Variants in SDCCAG8 observed in about 807,000 individuals in gnomAD.
SDCCAG8 encodes the protein SHH signaling and ciliogenesis regulator SDCCAG8.
In SDCCAG8, 74 loss-of-function variants were observed where a neutral mutation model predicts 101.8. That is an observed-to-expected ratio of 0.73 (90% confidence interval 0.60 to 0.88). The LOEUF is 0.88. Ranked by LOEUF, SDCCAG8 falls within the 40% of genes least tolerant of loss-of-function variation. SDCCAG8 has a pLI of 0.00. For synonymous variants in SDCCAG8, 281 were observed against 292.9 expected, an observed-to-expected ratio of 0.96 and a Z score of 0.41; for missense variants, 787 against 822.6, an observed-to-expected ratio of 0.96 and a Z score of 0.53.
At chr1:243,497,693 A>G (rs1185311380) in intron 17 of SDCCAG8, among the ~76,000 whole-genome samples, 7 of 152,158 alleles carry the variant, frequency 4.6e-5, no homozygotes, top group Admixed American at 4.6e-4. Context: ...CTTTTACTTC[A>G]GGTCTTTACG....
intron 2 of SDCCAG8, among the ~76,000 whole-genome samples, chr1:243,270,725 C>T (rs1241624465): frequency 6.6e-6 from 1 of 152,120 alleles, no homozygotes; most frequent in Non-Finnish European, 1.5e-5. Flanking sequence ...TCTTGTAGCA[C>T]TGTGCATAGC....
intron 16 of SDCCAG8, among the ~76,000 whole-genome samples, chr1:243,438,854 C>G (rs2082333213): frequency 6.6e-6 from 1 of 152,106 alleles, no homozygotes; most frequent in Non-Finnish European, 1.5e-5. Context: ...ACATTTTCAC[C>G]AGTGATTTTG....
At chr1:243,304,597 A>T in intron 6 of SDCCAG8, 116 bp from the exon 7 acceptor site, 1 of 650,746 alleles carries the variant, frequency 1.5e-6, no homozygotes, top group Non-Finnish European at 2.8e-6. Context: ...CTAAGAAGAC[A>T]TGTTTCCCCC....
intron 12 of SDCCAG8, among the ~76,000 whole-genome samples, chr1:243,355,015 C>T (rs1368228748): frequency 1.3e-5 from 2 of 152,330 alleles, no homozygotes; most frequent in Admixed American, 1.3e-4. Context: ...GATCACCCTA[C>T]ACAGAGATTC....
chr1:243,314,962 G>A (rs973335272), intron 8 of SDCCAG8, among the ~76,000 whole-genome samples: 6 of 152,144 alleles, frequency 3.9e-5, no homozygotes, highest in African/African-American at 1.4e-4. Context: ...CGCCCACCTC[G>A]GCCTCCCAAA....
intron 16 of SDCCAG8, among the ~76,000 whole-genome samples, chr1:243,459,720 C>T (rs1000109533): frequency 4.6e-5 from 7 of 152,156 alleles, no homozygotes; most frequent in African/African-American, 1.7e-4. Context: ...GATCCTCCCA[C>T]GTCAGCCTCT....
chr1:243,340,551 C>A (rs1356591433), intron 10 of SDCCAG8, among the ~76,000 whole-genome samples: 1 of 152,152 alleles, frequency 6.6e-6, no homozygotes, highest in African/African-American at 2.4e-5. Flanking sequence ...GGGCACTGCA[C>A]AGAGCCTCTT....
chr1:243,435,883 A>C (rs1000046171), intron 16 of SDCCAG8, among the ~76,000 whole-genome samples: 1 of 152,038 alleles, frequency 6.6e-6, no homozygotes, highest in Non-Finnish European at 1.5e-5. Context: ...CACTCTAAAA[A>C]ATTTTTTTAT....
At position 243,270,139 on chromosome 1, in the gene SDCCAG8, T is replaced by C; in HGVS notation, c.102T>C (p.Cys34=). Residue 34 remains cysteine (C), a synonymous_variant, in exon 2 of 18, where the codon TGT becomes TGC. Transcript: ENST00000366541. ...GCAGAAGCATTCACCAACTGACATG[T>C]GCCCTGAAAGAAGGCGATGTCACTA... The part of the protein sequence containing the change: ...HASRSIHQLT[C]ALKEGDVTIG... 6.2e-7 allele frequency: 1 copy of C among 1,614,238 alleles called. No homozygotes were observed. Among genetic ancestry groups the C allele is most frequent in the Middle Eastern group, 1.6e-4 (1 of 6,062 alleles).
At chr1:243,285,608 T>A (rs755693005) in intron 4 of SDCCAG8, among the ~76,000 whole-genome samples, 4 of 152,232 alleles carry the variant, frequency 2.6e-5, no homozygotes, top group Non-Finnish European at 4.4e-5. Context: ...ATGATTGATA[T>A]GTTGATATTA....
In SDCCAG8 at chr1:243,419,831, G is replaced by A. The variant is rs751326465; in HGVS notation, c.1853+1755G>A. ...TTTAAATTTCCGTGGAGAAGTAAGC[G>A]TCCTTGGCATGTAACGGTTAACTTA... On this transcript the variant is annotated intron_variant, in intron 15 of 17. Coordinates refer to ENST00000366541, the MANE Select transcript of SDCCAG8 (RefSeq NM_006642.5). Among the ~76,000 whole-genome samples, 57 of 152,150 alleles carry A rather than the reference G, an allele frequency of 3.7e-4. 1 individual carries two copies. Among genetic ancestry groups the A allele is most frequent in the South Asian group, 4.1e-4 (2 of 4,834 alleles).
At chr1:243,485,293 TTTTAA>T (rs975103063) in intron 16 of SDCCAG8, among the ~76,000 whole-genome samples, 9 of 152,202 alleles carry the variant, frequency 5.9e-5, no homozygotes, top group Admixed American at 5.9e-4. Context: ...TATAGTGAAC[TTTTAA>T]TTAAGATAAT....
At chr1:243,430,122 C>T (rs1367388902) in intron 16 of SDCCAG8, among the ~76,000 whole-genome samples, 1 of 152,166 alleles carries the variant, frequency 6.6e-6, no homozygotes, top group Non-Finnish European at 1.5e-5. Flanking sequence ...GTGTGTGAGC[C>T]ACTGTCCCCA....
At chr1:243,329,829 G>T (rs1231725524) in intron 9 of SDCCAG8, among the ~76,000 whole-genome samples, 2 of 152,132 alleles carry the variant, frequency 1.3e-5, no homozygotes, top group Admixed American at 6.5e-5. Flanking sequence ...TGAAGTTAGA[G>T]ATTTTTTATT....
At chr1:243,379,044 G>T (rs930539379) in intron 13 of SDCCAG8, among the ~76,000 whole-genome samples, 181 bp downstream of exon 13, 4 of 152,188 alleles carry the variant, frequency 2.6e-5, no homozygotes, top group African/African-American at 9.6e-5. Flanking sequence ...GATAAGTGTG[G>T]CAGGGAATTA....
intron 16 of SDCCAG8, among the ~76,000 whole-genome samples, chr1:243,476,999 TACACACACAC>T (rs531152514): frequency 2.9e-5 from 3 of 102,204 alleles, no homozygotes; most frequent in Non-Finnish European, 6.4e-5. Context: ...ACTGGTTCTG[TACACACACAC>T]ACACACACAC....
At position 243,371,145 on chromosome 1, in the gene SDCCAG8, A is replaced by G. The variant is rs565631694; in HGVS notation, c.1474-7576A>G. Among the ~76,000 whole-genome samples, 12 of 152,228 alleles carry G rather than the reference A, an allele frequency of 7.9e-5. No individual in the cohort carries two copies. The East Asian group carries it at 2.3e-3, about 29-fold the overall frequency. ...GGTAGCATGATACTTGACCCATGTCATCTGGGTTGTATCTTCTCCTTTGTC... is the reference window on the plus strand; with the variant it reads ...GGTAGCATGATACTTGACCCATGTCGTCTGGGTTGTATCTTCTCCTTTGTC... On this transcript the variant is annotated intron_variant, in intron 12 of 17. Coordinates refer to ENST00000366541, the MANE Select transcript of SDCCAG8 (RefSeq NM_006642.5).
At chr1:243,348,509 C>G (rs1573475577) in intron 12 of SDCCAG8, among the ~76,000 whole-genome samples, 1 of 152,094 alleles carries the variant, frequency 6.6e-6, no homozygotes, top group East Asian at 1.9e-4. Context: ...CCCCAGTGCC[C>G]TGGTCCCACC....
At chr1:243,463,249 G>C (rs1217117009) in intron 16 of SDCCAG8, among the ~76,000 whole-genome samples, 1 of 152,248 alleles carries the variant, frequency 6.6e-6, no homozygotes, top group Non-Finnish European at 1.5e-5. Context: ...GTAGGGCACA[G>C]AAGAAGGAAC....
Sources: allele counts gnomAD v4.1 joint callset (sites outside exome capture counted in the v4.1 genomes callset), GRCh38; gene constraint gnomAD v4.1.1; transcripts MANE v1.5; gene names NCBI Gene and HGNC (gene_info 2026-07-23, HGNC 2026-07-21).